GUCY1A1: variants seen among roughly 807,000 people sequenced by gnomAD.
GUCY1A1 encodes the protein guanylate cyclase soluble subunit alpha-1.
In GUCY1A1, 48 loss-of-function variants were observed where a neutral mutation model predicts 64.5. The ratio of observed to expected loss-of-function variants is 0.74; its 90% CI spans 0.59 to 0.95. The LOEUF is 0.95. Among genes scored for constraint, GUCY1A1 ranks in the 40% least tolerant of loss-of-function variants. The pLI, the probability that GUCY1A1 is intolerant of heterozygous loss-of-function variation, is 0.00. For synonymous variants in GUCY1A1, 308 were observed against 303.4 expected, an observed-to-expected ratio of 1.02 and a Z score of -0.16; for missense variants, 804 against 825.3, an observed-to-expected ratio of 0.97 and a Z score of 0.32.
chr4:155,708,937 G>A (rs1039439129), intron 5 of GUCY1A1, among the ~76,000 whole-genome samples: 1 of 152,022 alleles, frequency 6.6e-6, no homozygotes, highest in Non-Finnish European at 1.5e-5. Context: ...AGAGTGTAAA[G>A]ATTAAAGGAG....
chr4:155,722,071 G>T lies in GUCY1A1; in HGVS notation c.1750G>T (p.Ala584Ser). Residue 584 changes from alanine (A) to serine (S), a missense_variant, in exon 9 of 10, where the codon GCT (alanine) becomes TCT (serine). Physicochemically the swap from Ala to Ser is moderately conservative, Grantham distance 99. Transcript: ENST00000506455. ...RIGLHSGSVF[A>S]GVVGVKMPRY... Reference sequence around the variant, plus strand: ...TGGACTGCACTCTGGATCAGTTTTTGCTGGCGTCGTTGGAGTTAAAATGCC... The same window carrying T: ...TGGACTGCACTCTGGATCAGTTTTTTCTGGCGTCGTTGGAGTTAAAATGCC... The T allele has an allele frequency of 6.2e-7, 1 of 1,613,352 alleles. No homozygotes were observed. Among genetic ancestry groups the T allele is most frequent in the Non-Finnish European group, 8.5e-7 (1 of 1,179,558 alleles).
At chr4:155,674,227 T>A (rs1335330754) in intron 2 of GUCY1A1, among the ~76,000 whole-genome samples, 2 of 151,028 alleles carry the variant, frequency 1.3e-5, no homozygotes, top group Non-Finnish European at 2.9e-5. Flanking sequence ...TGGTGGTGGG[T>A]GCCTGTAATC....
At chr4:155,670,381 T>C (rs1190358020) in intron 2 of GUCY1A1, among the ~76,000 whole-genome samples, 1 of 152,230 alleles carries the variant, frequency 6.6e-6, no homozygotes, top group Non-Finnish European at 1.5e-5. Flanking sequence ...TTGTCAATGT[T>C]TAGTTACTAG....
chr4:155,717,210 A>G lies in GUCY1A1; in HGVS notation c.1624A>G (p.Ser542Gly). ...YCVAGGLHKE[S>G]DTHAVQIALM... ...TGTAGCTGGGGGATTACACAAAGAG[A>G]GTGATACTCATGCTGTTCAGATAGC... Residue 542 changes from serine (S) to glycine (G), a missense_variant, in exon 8 of 10, where the codon AGT becomes GGT. By Grantham distance (56) the Ser-to-Gly change is moderately conservative. Transcript: ENST00000506455. 2.5e-6 allele frequency: 4 copies of G among 1,587,370 alleles called. No individual in the cohort carries two copies. The highest frequency in any genetic ancestry group is 3.4e-6 in the Non-Finnish European group (4 of 1,163,272).
At chr4:155,705,539 CAAA>C (rs35914312) in intron 4 of GUCY1A1, among the ~76,000 whole-genome samples, 3 of 82,072 alleles carry the variant, frequency 3.7e-5, no homozygotes, top group Admixed American at 1.3e-4. Flanking sequence ...GACTCCATCT[CAAA>C]AAAAAAAAAA....
At chr4:155,676,757 G>C (rs1207675280) in intron 2 of GUCY1A1, among the ~76,000 whole-genome samples, 1 of 151,504 alleles carries the variant, frequency 6.6e-6, no homozygotes, top group Admixed American at 6.6e-5. Context: ...AGTGTGTTAT[G>C]GTCATGTTGT....
At chr4:155,703,466 T>C (rs1419676251) in intron 3 of GUCY1A1, among the ~76,000 whole-genome samples, 1 of 152,152 alleles carries the variant, frequency 6.6e-6, no homozygotes, top group Non-Finnish European at 1.5e-5. Context: ...CAGCTGGGTG[T>C]GGAGTTTGTG....
At chr4:155,706,865 G>A (rs983217564) in intron 4 of GUCY1A1, among the ~76,000 whole-genome samples, 1 of 152,078 alleles carries the variant, frequency 6.6e-6, no homozygotes, top group Non-Finnish European at 1.5e-5. Context: ...AAACAATTAG[G>A]CAAACATGAA....
chr4:155,668,614 AT>A lies in GUCY1A1; in HGVS notation c.-113+1204del, dbSNP rs59646673. 2.6e-3 allele frequency among the ~76,000 whole-genome samples: 398 copies of A among 151,876 alleles called. 1 individual carries two copies. Among genetic ancestry groups the A allele is most frequent in the East Asian group, 0.012 (62 of 5,180 alleles). ...GGTAAGCATAGAAGCACTTGATATA[AT>A]TTTTTTTTATCTTGGTTCAGAGTGT... On this transcript the variant is annotated intron_variant, in intron 2 of 9. Coordinates refer to ENST00000506455, the MANE Select transcript of GUCY1A1 (RefSeq NM_001130682.3).
Position 155,713,138 on chromosome 4 carries a change from C to A in GUCY1A1, c.1127C>A (p.Ser376Tyr), listed in dbSNP as rs1298106411. The part of the protein sequence containing the change: ...LKGQMIYIVE[S>Y]SAILFLGSPC... Reference sequence around the variant, plus strand: ...GGCCAAATGATCTACATTGTTGAATCCAGTGCAATCTTGTTTTTGGGGTCA... The same window carrying A: ...GGCCAAATGATCTACATTGTTGAATACAGTGCAATCTTGTTTTTGGGGTCA... The change falls in exon 7 of 10, where the codon TCC (serine) becomes TAC (tyrosine). Residue 376 changes from serine to tyrosine, a missense_variant. Ser to Tyr is a moderately radical substitution (Grantham distance 144). Transcript: ENST00000506455. The A allele has an allele frequency of 4.3e-6, 7 of 1,612,790 alleles. No homozygotes were observed. The highest frequency in any genetic ancestry group is 4.5e-5 in the East Asian group (2 of 44,874).
intron 5 of GUCY1A1, among the ~76,000 whole-genome samples, chr4:155,710,289 A>C (rs1177893773): frequency 1.3e-5 from 2 of 152,208 alleles, no homozygotes; most frequent in African/African-American, 4.8e-5. Flanking sequence ...GGAGATAAAA[A>C]GTTGTGTATT....
At chr4:155,721,946 G>T in intron 8 of GUCY1A1, 92 bp from the exon 9 acceptor site, 1 of 900,594 alleles carries the variant, frequency 1.1e-6, no homozygotes, top group South Asian at 1.5e-5. Flanking sequence ...GAGGGTGAAT[G>T]GTAAAATAAT....
chr4:155,669,667 A>G (rs1733856427), intron 2 of GUCY1A1, among the ~76,000 whole-genome samples: 1 of 152,156 alleles, frequency 6.6e-6, no homozygotes, highest in African/African-American at 2.4e-5. Flanking sequence ...TATCTATTAC[A>G]AATACATCAG....
chr4:155,680,528 A>G (rs937144003), intron 2 of GUCY1A1, among the ~76,000 whole-genome samples: 1 of 151,888 alleles, frequency 6.6e-6, no homozygotes, highest in Non-Finnish European at 1.5e-5. Context: ...GGGTTGGGGC[A>G]CTGACACTCC....
intron 2 of GUCY1A1, among the ~76,000 whole-genome samples, chr4:155,691,257 G>C (rs1729700079): frequency 6.6e-6 from 1 of 152,156 alleles, no homozygotes; most frequent in Non-Finnish European, 1.5e-5. Flanking sequence ...TGGGATGAAG[G>C]AGTCTGAGAT....
rs1420947103 is a variant in GUCY1A1, at chr4:155,730,115, A to G, written c.1957A>G (p.Ile653Val). 3 of 1,611,214 alleles carry G rather than the reference A, an allele frequency of 1.9e-6. No individual in the cohort carries two copies. In the African/African-American group the frequency reaches 4.0e-5, roughly 22 times the overall value. ...AAACTTCCCTAGTGAAATCCCCGGAATCTGCCATTTTCTGGATGCTTACCA... is the reference window on the plus strand; with the variant it reads ...AAACTTCCCTAGTGAAATCCCCGGAGTCTGCCATTTTCTGGATGCTTACCA... ...PPNFPSEIPG[I>V]CHFLDAYQQG... is the part of the protein sequence containing the mutation. Residue 653 changes from isoleucine to valine, a missense_variant, in exon 10 of 10, where the codon ATC (isoleucine) becomes GTC (valine). Coordinates refer to ENST00000506455, the MANE Select transcript of GUCY1A1 (RefSeq NM_001130682.3).
intron 9 of GUCY1A1, among the ~76,000 whole-genome samples, chr4:155,726,313 A>T (rs10013371): frequency 0.046 from 7,069 of 152,050 alleles, 555 homozygotes; most frequent in African/African-American, 0.16. Flanking sequence ...TTTCTTTCAG[A>T]GATACTTCAC....
In GUCY1A1 at chr4:155,697,111, A is replaced by C; in HGVS notation, c.244A>C (p.Ile82Leu). Residue 82 changes from isoleucine (I) to leucine (L), a missense_variant, in exon 3 of 10, where the codon ATT becomes CTT. Ile to Leu is a conservative substitution (Grantham distance 5). Transcript: ENST00000506455. ...HTLAESICKLIFPEFERLNVA... is the reference protein window; with the variant it reads ...HTLAESICKLLFPEFERLNVA... The stretch of plus-strand genomic sequence containing the variant: ...TTTGGCAGAGAGTATTTGCAAACTG[A>C]TTTTCCCAGAGGTGAGTGCGTGCTC... 12 of 1,613,108 alleles carry C rather than the reference A, an allele frequency of 7.4e-6. No homozygotes were observed. Among genetic ancestry groups the C allele is most frequent in the Non-Finnish European group, 1.0e-5 (12 of 1,179,186 alleles).
chr4:155,729,990 GACAA>G (rs763027198), intron 9 of GUCY1A1, 36 bp from the exon 10 acceptor site: 7 of 1,239,818 alleles, frequency 5.6e-6, no homozygotes, highest in African/African-American at 3.0e-5. Flanking sequence ...TTTTTGAGTG[GACAA>G]ACATTTATGT....
Sources: gnomAD v4.1 joint callset for allele counts (sites outside exome capture counted in the v4.1 genomes callset) on GRCh38, gnomAD v4.1.1 for gene constraint, MANE v1.5 for transcripts, NCBI Gene and HGNC (gene_info 2026-07-23, HGNC 2026-07-21) for gene names.